The following CELF1 variants were observed in gnomAD, a reference collection of about 807,000 sequenced individuals.
CELF1 encodes CUGBP Elav-like family member 1, also known as 50 kDa nuclear polyadenylated RNA-binding protein.
CELF1 carries 10 observed loss-of-function variants against 61.8 expected under a neutral mutation model. The ratio of observed to expected loss-of-function variants is 0.16; its 90% CI spans 0.10 to 0.27. The LOEUF is 0.27. Ranked by LOEUF, CELF1 falls within the 10% of genes least tolerant of loss-of-function variation. The pLI, the probability that CELF1 is intolerant of heterozygous loss-of-function variation, is 1.00. For missense variants in CELF1, 380 were observed against 639.1 expected, an observed-to-expected ratio of 0.59 and a Z score of 4.37; for synonymous variants, 236 against 225.1, an observed-to-expected ratio of 1.05 and a Z score of -0.43.
chr11:47,552,639 C>T (rs969625984), intron 1 of CELF1, among the ~76,000 whole-genome samples: 1 of 152,178 alleles, frequency 6.6e-6, no homozygotes, highest in Non-Finnish European at 1.5e-5. Flanking sequence ...AGCACGGCAG[C>T]CAGAAAGACG....
intron 1 of CELF1, among the ~76,000 whole-genome samples, chr11:47,538,197 G>C (rs2096677771): frequency 6.6e-6 from 1 of 152,094 alleles, no homozygotes; most frequent in South Asian, 2.1e-4. Context: ...GCAGGCATGA[G>C]CTACCATGCC....
chr11:47,477,068 C>G, intron 11 of CELF1, 109 bp from the exon 12 acceptor site: 1 of 999,164 alleles, frequency 1.0e-6, no homozygotes, highest in Non-Finnish European at 1.6e-6. Context: ...TTTTCAGTTA[C>G]TAATTCTAAC....
chr11:47,556,081 A>G (rs887185316), upstream of CELF1, among the ~76,000 whole-genome samples: 2 of 152,108 alleles, frequency 1.3e-5, no homozygotes, highest in African/African-American at 4.8e-5. Context: ...AGTAAAGTTC[A>G]GATAATCTGC....
Position 47,499,524 on chromosome 11 carries a change from CA to C in CELF1, c.-2del. 6.5e-7 allele frequency: 1 copy of C among 1,535,400 alleles called. No homozygotes were observed. The highest frequency in any genetic ancestry group is 8.7e-7 in the Non-Finnish European group (1 of 1,146,246). On this transcript the variant is annotated 5_prime_UTR_variant, in exon 3 of 15. Coordinates refer to ENST00000687097, the MANE Select transcript of CELF1 (RefSeq NM_001376376.1). ...GGAAATCCAACTTAAACGCAGCCAT[CA>C]CCTCACTCTCCCCTTCAGAAGCCAA...
chr11:47,521,432 A>T (rs566698075), intron 1 of CELF1, among the ~76,000 whole-genome samples: 89 of 152,328 alleles, frequency 5.8e-4, no homozygotes, highest in South Asian at 1.0e-3. Flanking sequence ...TATTTACTAC[A>T]AACCCACAAT....
At chr11:47,493,563 T>G (rs1009324624) in intron 3 of CELF1, among the ~76,000 whole-genome samples, 2 of 148,164 alleles carry the variant, frequency 1.3e-5, no homozygotes, top group Non-Finnish European at 3.0e-5. Flanking sequence ...AGGTGTGGCC[T>G]AAGGACCAGG....
chr11:47,505,468 A>C (rs1433235833), intron 1 of CELF1, among the ~76,000 whole-genome samples: 1 of 150,212 alleles, frequency 6.7e-6, no homozygotes, highest in Non-Finnish European at 1.5e-5. Context: ...CTCTCTACTA[A>C]AAAAAATACA....
chr11:47,529,915 C>T (rs2096407017), intron 1 of CELF1, among the ~76,000 whole-genome samples: 1 of 152,118 alleles, frequency 6.6e-6, no homozygotes, highest in Admixed American at 6.6e-5. Flanking sequence ...ACAAAGAAGC[C>T]ACCCAACCTG....
chr11:47,493,944 G>C (rs1258307746), intron 3 of CELF1, among the ~76,000 whole-genome samples: 1 of 152,142 alleles, frequency 6.6e-6, no homozygotes, highest in Non-Finnish European at 1.5e-5. Context: ...AAAGCCATCT[G>C]GGTACACATC....
intron 2 of CELF1, among the ~76,000 whole-genome samples, chr11:47,560,447 A>C (rs1032779831): frequency 2.0e-5 from 3 of 152,214 alleles, no homozygotes; most frequent in African/African-American, 7.2e-5. Context: ...CTATATGGTT[A>C]TAATGATCTT....
chr11:47,503,868 T>C (rs557422313), intron 1 of CELF1, among the ~76,000 whole-genome samples: 1 of 152,330 alleles, frequency 6.6e-6, no homozygotes, highest in East Asian at 1.9e-4. Context: ...TGTTACAAAA[T>C]GTGACGGTTA....
intron 1 of CELF1, among the ~76,000 whole-genome samples, chr11:47,513,224 T>C (rs771329843): frequency 1.3e-4 from 20 of 152,264 alleles, no homozygotes; most frequent in Admixed American, 3.9e-4. Context: ...TTTCAAAATG[T>C]TGTTAGTGAA....
At chr11:47,521,144 C>G (rs941591517) in intron 1 of CELF1, among the ~76,000 whole-genome samples, 1 of 151,812 alleles carries the variant, frequency 6.6e-6, no homozygotes. Context: ...CCCAGCTACT[C>G]CGGAGGCTGA....
At chr11:47,550,727 G>A (rs11039290) in intron 1 of CELF1, among the ~76,000 whole-genome samples, 34,509 of 151,564 alleles carry the variant, frequency 0.23, 4,993 homozygotes, top group South Asian at 0.46. Context: ...TCTGTATTAA[G>A]AAAAATACAC....
chr11:47,549,440 C>A (rs1348671096), intron 1 of CELF1, among the ~76,000 whole-genome samples: 1 of 152,100 alleles, frequency 6.6e-6, no homozygotes, highest in African/African-American at 2.4e-5. Context: ...TTAGTGGATG[C>A]AGTCCATAAA....
chr11:47,531,322 C>T (rs1256351309), intron 1 of CELF1, among the ~76,000 whole-genome samples: 1 of 152,092 alleles, frequency 6.6e-6, no homozygotes, highest in East Asian at 1.9e-4. Context: ...GTCAACCCAG[C>T]GCTTTGGGAG....
intron 1 of CELF1, among the ~76,000 whole-genome samples, chr11:47,527,630 A>G (rs565201180): frequency 6.6e-6 from 1 of 152,308 alleles, no homozygotes; most frequent in South Asian, 2.1e-4. Context: ...ACTTCATTGT[A>G]TACACTGTAT....
At chr11:47,482,547 TA>T in intron 9 of CELF1, 147 bp downstream of exon 9, 1 of 649,244 alleles carries the variant, frequency 1.5e-6, no homozygotes, top group Non-Finnish European at 2.6e-6. Context: ...CTAACAGGAC[TA>T]AAAGAAATAG....
chr11:47,484,594 C>A, intron 6 of CELF1, 71 bp from the exon 7 acceptor site: 1 of 1,386,336 alleles, frequency 7.2e-7, no homozygotes, highest in South Asian at 1.3e-5. Flanking sequence ...ATTTGGGAGC[C>A]AGACCGCCTG....
Sources: allele counts gnomAD v4.1 joint callset (sites outside exome capture counted in the v4.1 genomes callset), GRCh38; gene constraint gnomAD v4.1.1; transcripts MANE v1.5; gene names NCBI Gene and HGNC (gene_info 2026-07-23, HGNC 2026-07-21).